The following MYOZ3 variants were observed in gnomAD, a reference collection of about 807,000 sequenced individuals.
MYOZ3 encodes myozenin 3, also known as myozenin-3.
A neutral mutation model predicts 26.5 loss-of-function variants in MYOZ3; 19 were observed. The observed-to-expected ratio is 0.72, with a 90% CI of 0.50 to 1.05. The LOEUF is 1.05. Ranked by LOEUF, MYOZ3 falls within the 50% of genes least tolerant of loss-of-function variation. The pLI is 0.00. For missense variants in MYOZ3, 322 were observed against 337.1 expected, an observed-to-expected ratio of 0.96 and a Z score of 0.35; for synonymous variants, 135 against 138.8, an observed-to-expected ratio of 0.97 and a Z score of 0.19.
At chr5:150,665,620 G>A (rs1363800347) in intron 2 of MYOZ3, among the ~76,000 whole-genome samples, 1 of 151,832 alleles carries the variant, frequency 6.6e-6, no homozygotes, top group Non-Finnish European at 1.5e-5. Context: ...ATAGAGACAG[G>A]GTCTTGCTAT....
rs1386385134 is a variant in MYOZ3, at chr5:150,676,800, C to T, written c.681C>T (p.Leu227=). 3 of 1,614,058 alleles carry T rather than the reference C, an allele frequency of 1.9e-6. No individual in the cohort carries two copies. The highest frequency in any genetic ancestry group is 1.1e-5 in the South Asian group (1 of 91,086). ...CGGAGCCCCTCAGTGGCTTGGAACT[C>T]CTCCGTCTCAGACCCAGCTTCAACA... ...FIPEPLSGLE[L]LRLRPSFNRV... The change falls in exon 7 of 7, where the codon CTC becomes CTT. Residue 227 remains leucine (L), a synonymous_variant. Transcript: ENST00000517768.
intron 2 of MYOZ3, chr5:150,669,920 T>A (rs1039758522): frequency 1.3e-5 from 2 of 152,246 alleles, no homozygotes; most frequent in African/African-American, 4.8e-5. Context: ...GTGCTGGGAT[T>A]ACAGGCGTGA....
At chr5:150,667,932 G>C (rs1758834536) in intron 2 of MYOZ3, among the ~76,000 whole-genome samples, 1 of 152,146 alleles carries the variant, frequency 6.6e-6, no homozygotes, top group Non-Finnish European at 1.5e-5. Flanking sequence ...TTAGCATACT[G>C]AACAAAATTT....
intron 6 of MYOZ3, among the ~76,000 whole-genome samples, chr5:150,674,130 C>T (rs1044925596): frequency 4.6e-4 from 70 of 152,308 alleles, no homozygotes; most frequent in African/African-American, 1.6e-3. Context: ...GCTTAGCATG[C>T]GCTGTGTGAG....
chr5:150,669,633 CTTT>C (rs532402882), intron 2 of MYOZ3, among the ~76,000 whole-genome samples: 17 of 47,706 alleles, frequency 3.6e-4, no homozygotes, highest in East Asian at 2.4e-3. Context: ...CCCATATATG[CTTT>C]TTTTTTTTTT....
At chr5:150,666,202 A>G (rs1255317477) in intron 2 of MYOZ3, among the ~76,000 whole-genome samples, 1 of 152,172 alleles carries the variant, frequency 6.6e-6, no homozygotes, top group African/African-American at 2.4e-5. Context: ...AACAGTGTAA[A>G]CAATTTCCAA....
chr5:150,665,299 C>T (rs1369021434), intron 2 of MYOZ3, among the ~76,000 whole-genome samples: 2 of 152,050 alleles, frequency 1.3e-5, no homozygotes, highest in African/African-American at 4.8e-5. Context: ...TCAGTGTGAC[C>T]CCGCGGGGAG....
rs1430063805 is a variant in MYOZ3, at chr5:150,679,261, C to T, written c.*2386C>T. On this transcript the variant is annotated 3_prime_UTR_variant, in exon 7 of 7. Coordinates refer to ENST00000517768, the MANE Select transcript of MYOZ3 (RefSeq NM_001122853.3). ...AGCCTGGTGGGGAGACCACTGCACC[C>T]AAAACAAATCCTTTCTTCTTCTGAG... is the stretch of plus-strand genomic sequence containing the variant. 1 of 151,170 alleles carries T rather than the reference C, an allele frequency of 6.6e-6. No individual in the cohort carries two copies. Among genetic ancestry groups the T allele is most frequent in the Admixed American group, 6.6e-5 (1 of 15,218 alleles). The allele number at this position is 151,170 out of a possible 1,614,324, so 9.4% of individuals were successfully genotyped here.
At chr5:150,662,780 C>T (rs553348789) in intron 1 of MYOZ3, among the ~76,000 whole-genome samples, 161 bp from the exon 2 acceptor site, 12 of 152,328 alleles carry the variant, frequency 7.9e-5, no homozygotes, top group Non-Finnish European at 1.5e-4. Flanking sequence ...CTCCTCTGCA[C>T]GGAGACCCTG....
rs767447718 is a variant in MYOZ3, at chr5:150,670,567, T to TCCC, written c.146_148dup (p.Ser49_Leu50insPro). The TCCC allele has an allele frequency of 6.2e-7, 1 of 1,612,734 alleles. No homozygotes were observed. The highest frequency in any genetic ancestry group is 2.2e-5 in the East Asian group (1 of 44,836). ...GCTGTCACTACGCAACAACAGAGGG[T>TCCC]CCCTCCTCTTCCAGAAGAGGCAGCG... On this transcript the variant is annotated inframe_insertion, in exon 3 of 7. Transcript: ENST00000517768.
chr5:150,675,302 G>A (rs891163122), intron 6 of MYOZ3, among the ~76,000 whole-genome samples: 2 of 151,858 alleles, frequency 1.3e-5, no homozygotes, highest in Non-Finnish European at 2.9e-5. Context: ...TCAACATTAC[G>A]CTTTCGAAAT....
chr5:150,663,287 C>T (rs1412320726), intron 2 of MYOZ3, among the ~76,000 whole-genome samples: 2 of 152,250 alleles, frequency 1.3e-5, no homozygotes, highest in Non-Finnish European at 2.9e-5. Context: ...TAAGGCCTCA[C>T]CTCAGCCCCA....
rs1430869566 is a variant in MYOZ3 at position 150,670,623 on chromosome 5, A to C, written c.201A>C (p.Ala67=). The C allele has an allele frequency of 6.2e-7, 1 of 1,609,346 alleles. No homozygotes were observed. Among genetic ancestry groups the C allele is most frequent in the Non-Finnish European group, 8.5e-7 (1 of 1,176,474 alleles). ...RRVQKFTFEL[A]ASQRAMLAGS... ...TGCAGAAGTTCACTTTCGAGTTAGC[A>C]GCCAGCCAGCGGGCGGTGAGTAAGC... Residue 67 remains alanine (A), a synonymous_variant, in exon 3 of 7, where the codon GCA becomes GCC. Coordinates refer to ENST00000517768, the MANE Select transcript of MYOZ3 (RefSeq NM_001122853.3).
intron 2 of MYOZ3, 62 bp downstream of exon 2, chr5:150,663,064 A>C: frequency 7.0e-7 from 1 of 1,434,698 alleles, no homozygotes; most frequent in East Asian, 2.4e-5. Context: ...CCCAGGCTGC[A>C]CTCACTCTGG....
rs113580160 is a variant in MYOZ3, at chr5:150,677,380, G to A, written c.*505G>A. The stretch of plus-strand genomic sequence containing the variant: ...TAGGAGGCAGAGGTTGCAGTGAGCC[G>A]AGATTGCGCCACTGCACCCCAGCCT... On this transcript the variant is annotated 3_prime_UTR_variant, in exon 7 of 7. Transcript: ENST00000517768. The A allele has an allele frequency of 5.5e-3, 836 of 153,214 alleles. 16 individuals carry two copies. The highest frequency in any genetic ancestry group is 0.05 in the South Asian group (246 of 4,882). The allele number at this position is 153,214 out of a possible 1,614,324, so 9.5% of individuals were successfully genotyped here. A position where few individuals can be genotyped will look rare whatever the true frequency, so the allele number is the denominator to read the frequency against.
intron 6 of MYOZ3, 42 bp downstream of exon 6, chr5:150,672,544 C>A: frequency 6.7e-7 from 1 of 1,489,758 alleles, no homozygotes; most frequent in Non-Finnish European, 9.0e-7. Context: ...CCGGGAGGGG[C>A]GGGAAGCCAG....
intron 2 of MYOZ3, 171 bp from the exon 3 acceptor site, chr5:150,670,313 T>C: frequency 1.7e-6 from 1 of 600,234 alleles, no homozygotes; most frequent in Non-Finnish European, 2.6e-6. Context: ...CTCTGAGGTG[T>C]CATTTTTGCC....
chr5:150,670,633 C>A lies in MYOZ3; in HGVS notation c.211C>A (p.Arg71=). ...CACTTTCGAGTTAGCAGCCAGCCAG[C>A]GGGCGGTGAGTAAGCCACCATTGTG... The part of the protein sequence containing the change: ...KFTFELAASQ[R]AMLAGSARRK... The change falls in exon 3 of 7, where the codon CGG becomes AGG. Residue 71 remains arginine (R), a synonymous_variant. Transcript: ENST00000517768. The A allele has an allele frequency of 1.2e-6, 2 of 1,606,984 alleles. No homozygotes were observed. Among genetic ancestry groups the A allele is most frequent in the South Asian group, 1.1e-5 (1 of 90,586 alleles).
At chr5:150,669,518 G>A (rs1758866915) in intron 2 of MYOZ3, among the ~76,000 whole-genome samples, 1 of 151,556 alleles carries the variant, frequency 6.6e-6, no homozygotes, top group Non-Finnish European at 1.5e-5. Flanking sequence ...AAAAAGATAT[G>A]AAAGGACATA....
Sources: gnomAD v4.1 joint callset for allele counts (sites outside exome capture counted in the v4.1 genomes callset) on GRCh38, gnomAD v4.1.1 for gene constraint, MANE v1.5 for transcripts, NCBI Gene and HGNC (gene_info 2026-07-23, HGNC 2026-07-21) for gene names.